FHL2: variants seen among roughly 807,000 people sequenced by gnomAD.
FHL2 encodes four and a half LIM domains protein 2.
A neutral mutation model predicts 32.7 loss-of-function variants in FHL2; 20 were observed. The ratio of observed to expected loss-of-function variants is 0.61; its 90% CI spans 0.43 to 0.89. FHL2 has a LOEUF of 0.89. Among genes scored for constraint, FHL2 ranks in the 40% least tolerant of loss-of-function variants. FHL2 has a pLI of 0.00. For missense variants in FHL2, 311 were observed against 358.6 expected, an observed-to-expected ratio of 0.87 and a Z score of 1.07; for synonymous variants, 123 against 128.1, an observed-to-expected ratio of 0.96 and a Z score of 0.27.
Position 105,386,534 on chromosome 2 carries a change from CA to C in FHL2, c.-19del. ...TCAGTCATTTTGACTCCTGGCTTTT[CA>C]GCAACCTATCAAAAAGAAAAGAAAA... On this transcript the variant is annotated 5_prime_UTR_variant, in exon 3 of 7. Coordinates refer to ENST00000530340, the MANE Select transcript of FHL2 (RefSeq NM_001318895.3). The C allele has an allele frequency of 6.2e-7, 1 of 1,613,892 alleles. No individual in the cohort carries two copies. Among genetic ancestry groups the C allele is most frequent in the South Asian group, 1.1e-5 (1 of 91,070 alleles).
chr2:105,384,018 T>C (rs1252865699), intron 3 of FHL2, among the ~76,000 whole-genome samples: 1 of 152,224 alleles, frequency 6.6e-6, no homozygotes, highest in East Asian at 1.9e-4. Flanking sequence ...TATTTGCTCA[T>C]AAAACATGCG....
intron 1 of FHL2, among the ~76,000 whole-genome samples, chr2:105,422,268 C>T (rs181828766): frequency 6.6e-6 from 1 of 152,314 alleles, no homozygotes; most frequent in East Asian, 1.9e-4. Context: ...ATGGCAAGAA[C>T]TCCCATGCCT....
At chr2:105,367,224 T>A (rs1009842280) in intron 5 of FHL2, among the ~76,000 whole-genome samples, 6 of 152,258 alleles carry the variant, frequency 3.9e-5, no homozygotes, top group Non-Finnish European at 8.8e-5. Context: ...TGCAGTTGTT[T>A]TCTTGTTTTA....
At chr2:105,405,310 T>C (rs1683593276) in intron 1 of FHL2, among the ~76,000 whole-genome samples, 1 of 152,244 alleles carries the variant, frequency 6.6e-6, no homozygotes, top group East Asian at 1.9e-4. Flanking sequence ...CAAAATTCTC[T>C]TTTGAGTGAA....
At chr2:105,433,964 T>C (rs1295977155) in intron 1 of FHL2, among the ~76,000 whole-genome samples, 4 of 152,150 alleles carry the variant, frequency 2.6e-5, no homozygotes, top group African/African-American at 9.7e-5. Flanking sequence ...CCTTAAGTCA[T>C]TACCCACCCC....
intron 1 of FHL2, among the ~76,000 whole-genome samples, chr2:105,421,324 A>G (rs1274198606): frequency 6.6e-6 from 1 of 152,180 alleles, no homozygotes; most frequent in Non-Finnish European, 1.5e-5. Context: ...GTTACAGGCC[A>G]AAGTTCAAAG....
At chr2:105,424,333 T>C (rs2104672883) in intron 1 of FHL2, among the ~76,000 whole-genome samples, 1 of 152,252 alleles carries the variant, frequency 6.6e-6, no homozygotes, top group East Asian at 1.9e-4. Flanking sequence ...CGAGATACCA[T>C]CTCATGCCAG....
rs1573366530 is a variant in FHL2 at position 105,395,100 on chromosome 2, A to G, written c.-25+1547T>C. On this transcript the variant is annotated intron_variant, in intron 2 of 6. Transcript: ENST00000530340. ...CCATGTGCTACGTGAGGCACTGGGA[A>G]GCTGAGATAAAACACACAGTCTATG... Among the ~76,000 whole-genome samples the G allele has an allele frequency of 2.0e-5, 3 of 152,238 alleles. No individual in the cohort carries two copies. In the East Asian group the frequency reaches 5.8e-4, roughly 29 times the overall value.
intron 1 of FHL2, among the ~76,000 whole-genome samples, chr2:105,416,123 A>G (rs746039531): frequency 6.6e-6 from 1 of 152,234 alleles, no homozygotes. Context: ...TATCTATTAT[A>G]TTTACTGCAT....
intron 5 of FHL2, among the ~76,000 whole-genome samples, chr2:105,364,754 A>G (rs1275216344): frequency 6.6e-6 from 1 of 152,208 alleles, no homozygotes; most frequent in Non-Finnish European, 1.5e-5. Context: ...TGGTCTTTAC[A>G]TAAAGCTTGT....
chr2:105,377,222 C>T (rs1481759097), intron 3 of FHL2, among the ~76,000 whole-genome samples: 1 of 152,188 alleles, frequency 6.6e-6, no homozygotes, highest in Admixed American at 6.5e-5. Flanking sequence ...AGCAAAAGCT[C>T]TGGGGATTGG....
rs765437575 is a variant in FHL2, at chr2:105,386,362, T to C, written c.155A>G (p.Lys52Arg). 2 of 1,613,594 alleles carry C rather than the reference T, an allele frequency of 1.2e-6. No homozygotes were observed. Among genetic ancestry groups the C allele is most frequent in the East Asian group, 2.2e-5 (1 of 44,876 alleles). ...ECGKPIGCDCKDLSYKDRHWH... is the reference protein window; with the variant it reads ...ECGKPIGCDCRDLSYKDRHWH... ...CCCGCAGAGGCCCGCAGCAGGTACC[T>C]TGCAGTCACAGCCGATGGGCTTCCC... The change falls in exon 3 of 7, where the codon AAG becomes AGG. Residue 52 changes from lysine (K) to arginine (R), a missense_variant and splice_region_variant. Physicochemically the swap from Lys to Arg is conservative, Grantham distance 26 (BLOSUM62 2). Coordinates refer to ENST00000530340, the MANE Select transcript of FHL2 (RefSeq NM_001318895.3).
At chr2:105,358,123 A>G (rs1276736137), downstream of FHL2, 1 of 152,146 alleles carries the variant, frequency 6.6e-6, no homozygotes, top group Non-Finnish European at 1.5e-5. Context: ...GCTTTTTGCT[A>G]CTAATAGCAT....
At chr2:105,386,611 C>A in intron 2 of FHL2, 71 bp from the exon 3 acceptor site, 4 of 1,314,820 alleles carry the variant, frequency 3.0e-6, no homozygotes, top group Middle Eastern at 1.9e-4. Flanking sequence ...AAGGCATTAA[C>A]TGTCCCACTG....
chr2:105,394,460 C>G (rs115746500), intron 2 of FHL2, among the ~76,000 whole-genome samples: 1,523 of 151,840 alleles, frequency 0.01, 26 homozygotes, highest in African/African-American at 0.035. Context: ...ACAGTCCTAG[C>G]TACCTGGGAG....
chr2:105,409,588 G>T (rs1010895734), intron 1 of FHL2, among the ~76,000 whole-genome samples: 1 of 152,180 alleles, frequency 6.6e-6, no homozygotes, highest in African/African-American at 2.4e-5. Context: ...ATGTGCTTAG[G>T]ATCAATGCTA....
At chr2:105,399,497 T>A, upstream of FHL2, 1 of 1,536,174 alleles carries the variant, frequency 6.5e-7, no homozygotes, top group Non-Finnish European at 8.7e-7. Flanking sequence ...CGTTTTTCCT[T>A]CTTACCCTGC....
At chr2:105,379,126 T>C (rs949894293) in intron 3 of FHL2, among the ~76,000 whole-genome samples, 2 of 152,234 alleles carry the variant, frequency 1.3e-5, no homozygotes, top group Non-Finnish European at 2.9e-5. Context: ...ACTTAAATCC[T>C]GGCTCTGCCC....
intron 1 of FHL2, chr2:105,397,087 A>G (rs1476663327): frequency 5.9e-6 from 1 of 168,110 alleles, no homozygotes; most frequent in Non-Finnish European, 1.2e-5. Context: ...CAGTACTGGA[A>G]ATGGTTTAAC....
Sources: allele counts gnomAD v4.1 joint callset (sites outside exome capture counted in the v4.1 genomes callset), GRCh38; gene constraint gnomAD v4.1.1; transcripts MANE v1.5; gene names NCBI Gene and HGNC (gene_info 2026-07-23, HGNC 2026-07-21).